TMTC1: variants seen among roughly 807,000 people sequenced by gnomAD.
TMTC1 encodes transmembrane O-mannosyltransferase targeting cadherins 1, also known as protein O-mannosyl-transferase TMTC1.
A neutral mutation model predicts 104.8 loss-of-function variants in TMTC1; 73 were observed. The ratio of observed to expected loss-of-function variants is 0.70; its 90% CI spans 0.58 to 0.85. TMTC1 has a LOEUF of 0.85. TMTC1 is among the 40% of genes least tolerant of loss of function. TMTC1 has a pLI of 0.00. For missense variants in TMTC1, 1,035 were observed against 1,096.1 expected (o/e 0.94, Z 0.79); for synonymous variants, 434 against 428.7 (o/e 1.01, Z -0.15).
chr12:29,652,763 G>A lies in TMTC1; in HGVS notation c.939-19427C>T, dbSNP rs1305411637. Among the ~76,000 whole-genome samples, 6 of 152,304 alleles carry A rather than the reference G, an allele frequency of 3.9e-5. No homozygotes were observed. In the East Asian group the frequency reaches 7.7e-4, roughly 20 times the overall value. On this transcript the variant is annotated intron_variant, in intron 5 of 17. Coordinates refer to ENST00000539277, the MANE Select transcript of TMTC1 (RefSeq NM_001193451.2). ...AGTCTATAACAATAAAGTGTAATGA[G>A]ATGGAATAAATATCTTCGCTGGGCA...
At chr12:29,645,551 T>A (rs922452083) in intron 5 of TMTC1, among the ~76,000 whole-genome samples, 1 of 152,044 alleles carries the variant, frequency 6.6e-6, no homozygotes. Flanking sequence ...GAAAATGGAG[T>A]TCAACGTCTG....
At chr12:29,555,456 T>C (rs1945215885) in intron 10 of TMTC1, among the ~76,000 whole-genome samples, 1 of 152,114 alleles carries the variant, frequency 6.6e-6, no homozygotes, top group Non-Finnish European at 1.5e-5. Context: ...GTATTTCTCC[T>C]AATGCTATCC....
chr12:29,699,840 C>T (rs757009020), intron 5 of TMTC1, among the ~76,000 whole-genome samples: 4 of 151,730 alleles, frequency 2.6e-5, no homozygotes, highest in East Asian at 3.9e-4. Context: ...ATGGGTCTCA[C>T]GACATTGCCA....
intron 6 of TMTC1, among the ~76,000 whole-genome samples, chr12:29,617,056 C>A (rs1947001240): frequency 6.6e-6 from 1 of 152,020 alleles, no homozygotes; most frequent in African/African-American, 2.4e-5. Context: ...TTTTCCTCTC[C>A]AAATGCACTG....
chr12:29,674,388 A>C (rs2136692139), intron 5 of TMTC1, among the ~76,000 whole-genome samples: 1 of 151,174 alleles, frequency 6.6e-6, no homozygotes, highest in Non-Finnish European at 1.5e-5. Flanking sequence ...AAATACTAAA[A>C]CCCTATGGCC....
chr12:29,653,701 G>A (rs1233031513), intron 5 of TMTC1, among the ~76,000 whole-genome samples: 1 of 152,186 alleles, frequency 6.6e-6, no homozygotes, highest in Admixed American at 6.5e-5. Context: ...ACATCTGAAT[G>A]TCTGGGTTAA....
intron 17 of TMTC1, among the ~76,000 whole-genome samples, chr12:29,509,366 T>A (rs945718870): frequency 2.6e-5 from 4 of 152,214 alleles, no homozygotes; most frequent in African/African-American, 9.6e-5. Context: ...GAGACAACTA[T>A]GACATTTGCT....
chr12:29,514,690 C>T, intron 15 of TMTC1, 86 bp from the exon 16 acceptor site: 1 of 1,424,800 alleles, frequency 7.0e-7, no homozygotes, highest in Non-Finnish European at 9.5e-7. Context: ...ACTTTTTGTT[C>T]CTATGTGTCA....
chr12:29,751,563 A>T (rs1337603958), intron 5 of TMTC1, 103 bp downstream of exon 5: 2 of 1,192,946 alleles, frequency 1.7e-6, no homozygotes, highest in Admixed American at 1.7e-5. Flanking sequence ...GAGGGAGGTC[A>T]CAGTGTGCTG....
At chr12:29,738,713 A>C (rs1942747736) in intron 5 of TMTC1, among the ~76,000 whole-genome samples, 1 of 152,348 alleles carries the variant, frequency 6.6e-6, no homozygotes, top group East Asian at 1.9e-4. Flanking sequence ...CTGAATGAAT[A>C]ATAGAAATGG....
chr12:29,633,000 G>A (rs1424287586), intron 6 of TMTC1, 147 bp downstream of exon 6: 2 of 569,276 alleles, frequency 3.5e-6, no homozygotes, highest in Non-Finnish European at 5.8e-6. Flanking sequence ...AGGTGGCCAT[G>A]GTATGTTATT....
rs973766736 is a variant in TMTC1 at position 29,501,921 on chromosome 12, C to G, written c.*4925G>C. 2 of 152,132 alleles carry G rather than the reference C, an allele frequency of 1.3e-5. No individual in the cohort carries two copies. Among genetic ancestry groups the G allele is most frequent in the African/African-American group, 4.8e-5 (2 of 41,442 alleles). The allele number at this position is 152,132 out of a possible 1,614,324, so 9.4% of individuals were successfully genotyped here. A position where few individuals can be genotyped will look rare whatever the true frequency, so the allele number is the denominator to read the frequency against. ...TTTGATTGCAGTTATTTTCTGTTCTCTTTAAATTACATGGCTACAAATAAA... is the reference window on the plus strand; with the variant it reads ...TTTGATTGCAGTTATTTTCTGTTCTGTTTAAATTACATGGCTACAAATAAA... On this transcript the variant is annotated 3_prime_UTR_variant, in exon 18 of 18. Transcript: ENST00000539277.
intron 5 of TMTC1, among the ~76,000 whole-genome samples, chr12:29,658,094 AAAAAACAAAAAC>A (rs1295930878): frequency 6.6e-6 from 1 of 152,156 alleles, no homozygotes; most frequent in Non-Finnish European, 1.5e-5. Context: ...CTCCATGTCA[AAAAAACAAAAAC>A]AAAAACAAAA....
At chr12:29,669,184 T>C (rs1025581771) in intron 5 of TMTC1, among the ~76,000 whole-genome samples, 2 of 151,956 alleles carry the variant, frequency 1.3e-5, no homozygotes, top group Non-Finnish European at 2.9e-5. Flanking sequence ...GAATATGATA[T>C]ATATACAGAG....
chr12:29,669,408 C>T (rs1001867889), intron 5 of TMTC1, among the ~76,000 whole-genome samples: 14 of 152,150 alleles, frequency 9.2e-5, no homozygotes, highest in African/African-American at 3.4e-4. Context: ...ATAACCCCAT[C>T]TGATTTCCAA....
chr12:29,718,750 G>T (rs538785739), intron 5 of TMTC1, among the ~76,000 whole-genome samples: 1 of 151,996 alleles, frequency 6.6e-6, no homozygotes. Flanking sequence ...TGGCTAACAC[G>T]GTGAAACCCC....
At chr12:29,513,739 A>G (rs1328463082) in intron 16 of TMTC1, among the ~76,000 whole-genome samples, 1 of 152,214 alleles carries the variant, frequency 6.6e-6, no homozygotes, top group African/African-American at 2.4e-5. Context: ...AATAAGTTTT[A>G]TTCCAAAACC....
intron 5 of TMTC1, among the ~76,000 whole-genome samples, chr12:29,682,075 C>T (rs959913945): frequency 1.3e-5 from 2 of 151,924 alleles, no homozygotes; most frequent in African/African-American, 2.4e-5. Context: ...AAAAGGTGAT[C>T]CAACTAGAAA....
chr12:29,746,532 T>TA, intron 5 of TMTC1, among the ~76,000 whole-genome samples: 1 of 152,326 alleles, frequency 6.6e-6, no homozygotes, highest in South Asian at 2.1e-4. Context: ...CTCAGGAGTT[T>TA]AATTTGCACA....
Sources: gnomAD v4.1 joint callset for allele counts (sites outside exome capture counted in the v4.1 genomes callset) on GRCh38, gnomAD v4.1.1 for gene constraint, MANE v1.5 for transcripts, NCBI Gene and HGNC (gene_info 2026-07-23, HGNC 2026-07-21) for gene names.